Variants in SEL1L3 observed in about 807,000 individuals in gnomAD.
SEL1L3 encodes the protein SEL1L family member 3, also known as protein sel-1 homolog 3.
In SEL1L3, 76 loss-of-function variants were observed where a neutral mutation model predicts 142.8. The observed-to-expected ratio is 0.53, with a 90% confidence interval of 0.44 to 0.64. SEL1L3 has a LOEUF of 0.64. Ranked by LOEUF, SEL1L3 falls within the 30% of genes least tolerant of loss-of-function variation. The probability of loss-of-function intolerance (pLI) is 0.00; values close to 1 mark genes in which losing one functional copy is unlikely to be tolerated. For missense variants in SEL1L3, 1,262 were observed against 1,381.7 expected (o/e 0.91, Z 1.37); for synonymous variants, 504 against 519.6 (o/e 0.97, Z 0.41).
chr4:25,751,466 G>A (rs1717583578), intron 23 of SEL1L3, among the ~76,000 whole-genome samples: 1 of 151,938 alleles, frequency 6.6e-6, no homozygotes, highest in Non-Finnish European at 1.5e-5. Context: ...CCAGGGTGAT[G>A]TGTGTTCTGC....
chr4:25,779,210 C>T lies in SEL1L3; in HGVS notation c.2458-7G>A. ...AATATTCACCAGCTAAAGTCTGTAA[C>T]AAGAGATGAACAAACATCGAGTCAT... On this transcript the variant is annotated splice_region_variant and splice_polypyrimidine_tract_variant and intron_variant, in intron 15 of 23. Transcript: ENST00000399878. The T allele has an allele frequency of 6.2e-7, 1 of 1,612,310 alleles. No individual in the cohort carries two copies. Among genetic ancestry groups the T allele is most frequent in the Middle Eastern group, 1.7e-4 (1 of 6,052 alleles).
intron 16 of SEL1L3, chr4:25,776,835 T>C (rs1719665294): frequency 7.0e-6 from 1 of 143,064 alleles, no homozygotes; most frequent in Non-Finnish European, 1.5e-5. Flanking sequence ...GGAAGTAGAA[T>C]AATTTTTTTA....
At chr4:25,816,111 ATATAT>A (rs1339132692) in intron 9 of SEL1L3, among the ~76,000 whole-genome samples, 1 of 146,986 alleles carries the variant, frequency 6.8e-6, no homozygotes, top group Non-Finnish European at 1.5e-5. Context: ...TTTATATATT[ATATAT>A]TATATGATAT....
In SEL1L3 at chr4:25,757,457, C is replaced by CA. The variant is rs879068722; in HGVS notation, c.3259+76dup. 4,065 of 407,732 alleles carry CA rather than the reference C, an allele frequency of 1.0e-2. 7 individuals are homozygous for CA. Among genetic ancestry groups the CA allele is most frequent in the African/African-American group, 0.036 (889 of 24,402 alleles). 25.3% of individuals were successfully genotyped at this position (407,732 alleles called of 1,614,324 possible). A position where few individuals can be genotyped will look rare whatever the true frequency, so the allele number is the denominator to read the frequency against. ...GGAAAACACAATTTTTCCAGTAGAC[C>CA]AAAAAAAAAAAAAAAAAAAAAAATC... On this transcript the variant is annotated intron_variant, in intron 23 of 23. Transcript: ENST00000399878.
In SEL1L3 at chr4:25,748,455, T is replaced by C. The variant is rs759111017; in HGVS notation, c.3369A>G (p.Thr1123=). 1.7e-5 allele frequency: 27 copies of C among 1,611,626 alleles called. No individual in the cohort carries two copies. The highest frequency in any genetic ancestry group is 5.0e-5 in the Admixed American group (3 of 59,628). Residue 1123 remains threonine, a synonymous_variant, in exon 24 of 24, where the codon ACA becomes ACG. Coordinates refer to ENST00000399878, the MANE Select transcript of SEL1L3 (RefSeq NM_015187.5). The part of the protein sequence containing the change: ...AADASDQDQP[T]VTNNPEPRG ...CACGTGGCTCCGGGTTATTAGTTAC[T>C]GTGGGCTGGTCTTGGTCAGAGGCAT... is the stretch of plus-strand genomic sequence containing the variant.
rs1361578348 is a variant in SEL1L3, at chr4:25,804,476, C to A, written c.1776+65G>T. 3 of 1,223,528 alleles carry A rather than the reference C, an allele frequency of 2.5e-6. No individual in the cohort carries two copies. In the African/African-American group the frequency reaches 4.5e-5, roughly 18 times the overall value. 75.8% of individuals were successfully genotyped at this position (1,223,528 alleles called of 1,614,324 possible). A position where few individuals can be genotyped will look rare whatever the true frequency, so the allele number is the denominator to read the frequency against. On this transcript the variant is annotated intron_variant, in intron 10 of 23. Transcript: ENST00000399878. ...AACATGTCCAGTTCTACCAGGGGCACGAGAGCATTGCTTTGCAAATATAAT... is the reference window on the plus strand; with the variant it reads ...AACATGTCCAGTTCTACCAGGGGCAAGAGAGCATTGCTTTGCAAATATAAT...
intron 9 of SEL1L3, among the ~76,000 whole-genome samples, chr4:25,808,033 T>C (rs917914754): frequency 6.6e-6 from 1 of 152,228 alleles, no homozygotes; most frequent in Non-Finnish European, 1.5e-5. Flanking sequence ...TTTTGCACAT[T>C]TGGTAAACTT....
chr4:25,744,799 C>T (rs1035619551), downstream of SEL1L3, among the ~76,000 whole-genome samples: 14 of 152,204 alleles, frequency 9.2e-5, no homozygotes, highest in Admixed American at 9.2e-4. Flanking sequence ...AAGACACAGA[C>T]ACACGCAGAA....
At chr4:25,816,018 AT>A (rs2109249783) in intron 9 of SEL1L3, among the ~76,000 whole-genome samples, 2 of 150,130 alleles carry the variant, frequency 1.3e-5, no homozygotes, top group South Asian at 4.2e-4. Flanking sequence ...AGGGCTTACC[AT>A]GTGCTGATAC....
chr4:25,762,138 G>T (rs543069297), intron 20 of SEL1L3, among the ~76,000 whole-genome samples: 3 of 152,220 alleles, frequency 2.0e-5, no homozygotes, highest in Non-Finnish European at 2.9e-5. Flanking sequence ...TAGCAGAGAT[G>T]GGGTTTCACC....
intron 19 of SEL1L3, 49 bp downstream of exon 19, chr4:25,767,476 G>T: frequency 1.0e-6 from 1 of 971,144 alleles, no homozygotes. Flanking sequence ...TGTTACTAAA[G>T]ATTAAAAACA....
the SEL1L3 span, among the ~76,000 whole-genome samples, chr4:25,733,677 C>T: frequency 3.8e-3 from 585 of 152,048 alleles, 3 homozygotes; most frequent in African/African-American, 0.013. Flanking sequence ...CGCACCACCG[C>T]GCCCGGCTAA....
At chr4:25,732,308 T>C in the SEL1L3 span, among the ~76,000 whole-genome samples, 1 of 152,200 alleles carries the variant, frequency 6.6e-6, no homozygotes, top group Non-Finnish European at 1.5e-5. Context: ...ATATATCCCA[T>C]GCAATATTTA....
chr4:25,775,202 A>T (rs1719529221), intron 17 of SEL1L3, among the ~76,000 whole-genome samples: 1 of 152,230 alleles, frequency 6.6e-6, no homozygotes, highest in African/African-American at 2.4e-5. Context: ...TCTGAAAAAA[A>T]TCTCTTTTTG....
intron 6 of SEL1L3, among the ~76,000 whole-genome samples, chr4:25,827,748 G>A (rs1010928691): frequency 6.6e-6 from 1 of 152,160 alleles, no homozygotes; most frequent in African/African-American, 2.4e-5. Flanking sequence ...GATTGAAGAG[G>A]AAAGGAAACT....
At chr4:25,821,943 G>A in intron 7 of SEL1L3, 53 bp downstream of exon 7, 1 of 1,581,542 alleles carries the variant, frequency 6.3e-7, no homozygotes, top group African/African-American at 1.3e-5. Flanking sequence ...CACCCCTGAG[G>A]CCCACACCCA....
At chr4:25,731,956 C>G in the SEL1L3 span, among the ~76,000 whole-genome samples, 1 of 152,078 alleles carries the variant, frequency 6.6e-6, no homozygotes, top group African/African-American at 2.4e-5. Context: ...TGTCTGTAAT[C>G]CCAGCTTCTT....
the SEL1L3 span, among the ~76,000 whole-genome samples, chr4:25,721,721 A>G: frequency 6.6e-6 from 1 of 152,228 alleles, no homozygotes; most frequent in Non-Finnish European, 1.5e-5. Flanking sequence ...GAAGGCTGCA[A>G]GGCGGCAGCT....
At chr4:25,745,624 G>C (rs773541049), downstream of SEL1L3, among the ~76,000 whole-genome samples, 4 of 152,246 alleles carry the variant, frequency 2.6e-5, no homozygotes, top group Non-Finnish European at 5.9e-5. Flanking sequence ...AAGCAGGGGT[G>C]ATGAGTGCCC....
Sources: allele counts gnomAD v4.1 joint callset (sites outside exome capture counted in the v4.1 genomes callset), GRCh38; gene constraint gnomAD v4.1.1; transcripts MANE v1.5; gene names NCBI Gene and HGNC (gene_info 2026-07-23, HGNC 2026-07-21).